Variants in RECK observed in about 807,000 individuals in gnomAD.
The protein encoded by RECK is reversion-inducing cysteine-rich protein with Kazal motifs.
Under a neutral mutation model 115.1 loss-of-function variants are expected in RECK, and 69 were observed. That is an observed-to-expected ratio of 0.60 (90% CI 0.49 to 0.73). The LOEUF is 0.73. Ranked by LOEUF, RECK falls within the 30% of genes least tolerant of loss-of-function variation. The pLI is 0.00. For missense variants in RECK, 1,047 were observed against 1,203.7 expected (o/e 0.87, Z 1.93); for synonymous variants, 414 against 419.7 (o/e 0.99, Z 0.17).
intron 6 of RECK, among the ~76,000 whole-genome samples, chr9:36,069,560 A>G (rs1487676217): frequency 1.3e-5 from 2 of 152,132 alleles, no homozygotes; most frequent in Non-Finnish European, 2.9e-5. Flanking sequence ...TAATTGAAAT[A>G]CAAACACAAT....
At chr9:36,114,482 T>C (rs1824181799) in intron 16 of RECK, among the ~76,000 whole-genome samples, 1 of 152,228 alleles carries the variant, frequency 6.6e-6, no homozygotes, top group Non-Finnish European at 1.5e-5. Context: ...GAGGGCAGTT[T>C]GGCCAAATTT....
intron 6 of RECK, among the ~76,000 whole-genome samples, chr9:36,075,665 A>G (rs1039059175): frequency 6.6e-6 from 1 of 152,192 alleles, no homozygotes. Flanking sequence ...CATAAGCTGG[A>G]TTTCTTCTAT....
intron 18 of RECK, 146 bp downstream of exon 18, chr9:36,119,113 T>C: frequency 1.2e-6 from 1 of 802,294 alleles, no homozygotes; most frequent in South Asian, 1.8e-5. Context: ...CTCACTACTT[T>C]GGGTTGACCT....
intron 8 of RECK, among the ~76,000 whole-genome samples, chr9:36,086,375 T>C (rs1461196750): frequency 1.3e-5 from 2 of 152,128 alleles, no homozygotes; most frequent in Non-Finnish European, 2.9e-5. Context: ...GTGTTACAGC[T>C]CTTAAAGGTG....
chr9:36,053,392 T>C (rs1193325538), intron 2 of RECK, among the ~76,000 whole-genome samples: 1 of 152,172 alleles, frequency 6.6e-6, no homozygotes, highest in East Asian at 1.9e-4. Context: ...AGAGAACTAC[T>C]TAACTGGGAC....
chr9:36,077,547 A>G (rs1432495899), intron 6 of RECK, among the ~76,000 whole-genome samples: 1 of 152,204 alleles, frequency 6.6e-6, no homozygotes, highest in Non-Finnish European at 1.5e-5. Flanking sequence ...ACTGGAATGA[A>G]GGAACATTCT....
intron 13 of RECK, among the ~76,000 whole-genome samples, chr9:36,107,331 T>G (rs1296680384): frequency 6.6e-6 from 1 of 152,156 alleles, no homozygotes; most frequent in Non-Finnish European, 1.5e-5. Context: ...AGCTCACGCC[T>G]GTAATCCCAG....
intron 12 of RECK, among the ~76,000 whole-genome samples, chr9:36,104,043 C>T (rs1823661955): frequency 6.6e-6 from 1 of 151,836 alleles, no homozygotes; most frequent in African/African-American, 2.4e-5. Context: ...TCAAGTGAGA[C>T]TCTTCCTTGG....
intron 16 of RECK, 91 bp from the exon 17 acceptor site, chr9:36,116,894 C>A: frequency 9.7e-7 from 1 of 1,029,040 alleles, no homozygotes; most frequent in Non-Finnish European, 1.5e-6. Flanking sequence ...CTTGCTCTCT[C>A]TTCAGCCTCC....
At position 36,052,431 on chromosome 9, in the gene RECK, AG is replaced by A. The variant is rs1310566398; in HGVS notation, c.159+110del. The A allele has an allele frequency of 5.8e-6, 4 of 685,372 alleles. No homozygotes were observed. The African/African-American group carries it at 7.1e-5, about 12-fold the overall frequency. 42.5% of individuals were successfully genotyped at this position (685,372 alleles called of 1,614,324 possible). On this transcript the variant is annotated intron_variant, in intron 2 of 20. Transcript: ENST00000377966. ...GAGGATTGCTTAAGGCCAGGGGTTC[AG>A]GACCAGCCAGGACAACATAGCAAGA...
At chr9:36,090,156 T>C (rs1390115448) in intron 9 of RECK, among the ~76,000 whole-genome samples, 2 of 151,866 alleles carry the variant, frequency 1.3e-5, no homozygotes, top group Admixed American at 1.3e-4. Flanking sequence ...ACTCTGTCTC[T>C]AAAAACAAAA....
At chr9:36,121,077 T>C (rs10814331) in intron 19 of RECK, among the ~76,000 whole-genome samples, 12,550 of 152,176 alleles carry the variant, frequency 0.082, 654 homozygotes, top group South Asian at 0.18. Flanking sequence ...GCTTTTGAGG[T>C]CGCCTCCCCT....
At chr9:36,091,794 A>G (rs940955024) in intron 10 of RECK, among the ~76,000 whole-genome samples, 1 of 152,254 alleles carries the variant, frequency 6.6e-6, no homozygotes. Context: ...TTCCCAGGGT[A>G]TCAAGTATCA....
intron 1 of RECK, among the ~76,000 whole-genome samples, chr9:36,047,807 CT>C (rs1398906368): frequency 7.9e-6 from 1 of 126,012 alleles, no homozygotes; most frequent in African/African-American, 3.7e-5. Context: ...GAAAGCCAGT[CT>C]CAAAAAAAAA....
intron 6 of RECK, among the ~76,000 whole-genome samples, chr9:36,073,567 C>A (rs1053072277): frequency 1.3e-5 from 2 of 152,110 alleles, no homozygotes; most frequent in African/African-American, 2.4e-5. Context: ...TGTCTAATTT[C>A]TCCTCTTATC....
At chr9:36,074,792 A>G (rs1822383284) in intron 6 of RECK, among the ~76,000 whole-genome samples, 1 of 152,212 alleles carries the variant, frequency 6.6e-6, no homozygotes, top group African/African-American at 2.4e-5. Flanking sequence ...CATTCTGAGT[A>G]CTATCTATTA....
intron 4 of RECK, 49 bp from the exon 5 acceptor site, chr9:36,063,745 TC>T (rs1260489180): frequency 6.5e-7 from 1 of 1,534,608 alleles, no homozygotes; most frequent in Non-Finnish European, 9.0e-7. Flanking sequence ...GCATGCTATC[TC>T]TTTTTATTGC....
chr9:36,110,115 C>T (rs773012046), intron 15 of RECK, 36 bp downstream of exon 15: 3 of 1,568,286 alleles, frequency 1.9e-6, no homozygotes, highest in African/African-American at 2.7e-5. Context: ...CCTCAGGGGC[C>T]ATCATTTCTT....
chr9:36,115,315 AAATAATAAT>A (rs10607815), intron 16 of RECK, among the ~76,000 whole-genome samples: 3 of 149,352 alleles, frequency 2.0e-5, no homozygotes, highest in Non-Finnish European at 4.5e-5. Flanking sequence ...ACTCTGTCTC[AAATAATAAT>A]AATAATAATA....
Sources: allele counts gnomAD v4.1 joint callset (sites outside exome capture counted in the v4.1 genomes callset), GRCh38; gene constraint gnomAD v4.1.1; transcripts MANE v1.5; gene names NCBI Gene and HGNC (gene_info 2026-07-23, HGNC 2026-07-21).